The following AGBL4 variants were observed in gnomAD, a reference collection of about 807,000 sequenced individuals.
AGBL4 encodes cytosolic carboxypeptidase 6.
A neutral mutation model predicts 66.4 loss-of-function variants in AGBL4; 58 were observed. The ratio of observed to expected loss-of-function variants is 0.87; its 90% confidence interval spans 0.71 to 1.09. The LOEUF is 1.09. Among genes scored for constraint, AGBL4 ranks in the 50% least tolerant of loss-of-function variants. The probability of loss-of-function intolerance (pLI) is 0.00; values close to 1 mark genes in which losing one functional copy is unlikely to be tolerated. For synonymous variants in AGBL4, 234 were observed against 222.9 expected (o/e 1.05, Z -0.44); for missense variants, 579 against 631.0 (o/e 0.92, Z 0.88).
chr1:48,927,202 A>C (rs947721172), intron 5 of AGBL4, among the ~76,000 whole-genome samples: 1 of 152,156 alleles, frequency 6.6e-6, no homozygotes, highest in Non-Finnish European at 1.5e-5. Flanking sequence ...GAGACTGGAT[A>C]ATTTATAAGG....
intron 1 of AGBL4, among the ~76,000 whole-genome samples, chr1:49,890,830 T>G (rs1395910964): frequency 1.3e-5 from 2 of 152,316 alleles, no homozygotes; most frequent in African/African-American, 4.8e-5. Flanking sequence ...CCTAAATGAC[T>G]AGATGACTCT....
intron 5 of AGBL4, among the ~76,000 whole-genome samples, chr1:49,018,875 C>T (rs1257691259): frequency 3.9e-5 from 6 of 152,058 alleles, no homozygotes; most frequent in African/African-American, 1.4e-4. Context: ...ACCTTTAATC[C>T]ATCCTCCACA....
intron 6 of AGBL4, among the ~76,000 whole-genome samples, chr1:48,722,256 C>G (rs1156777710): frequency 6.6e-6 from 1 of 152,048 alleles, no homozygotes; most frequent in African/African-American, 2.4e-5. Context: ...TGAAATGGAA[C>G]AGGGACGAAT....
chr1:49,330,977 C>T (rs1248805555), intron 3 of AGBL4, among the ~76,000 whole-genome samples: 1 of 152,138 alleles, frequency 6.6e-6, no homozygotes, highest in Non-Finnish European at 1.5e-5. Context: ...CAAGGGAACC[C>T]CCACTCCCAG....
chr1:49,270,444 T>A (rs917552500), intron 3 of AGBL4, among the ~76,000 whole-genome samples: 4 of 147,816 alleles, frequency 2.7e-5, no homozygotes, highest in African/African-American at 7.6e-5. Context: ...AGGGGGATAT[T>A]TTTTTTTTTC....
intron 3 of AGBL4, among the ~76,000 whole-genome samples, chr1:49,684,820 T>C (rs1297995864): frequency 6.6e-6 from 1 of 152,194 alleles, no homozygotes; most frequent in Admixed American, 6.5e-5. Flanking sequence ...CTGGATCAAG[T>C]ACAGTGTTCT....
intron 6 of AGBL4, among the ~76,000 whole-genome samples, chr1:48,697,076 T>C (rs1470586595): frequency 2.6e-5 from 4 of 152,202 alleles, no homozygotes; most frequent in Non-Finnish European, 5.9e-5. Context: ...GACATGTTTC[T>C]ATATCTGGGT....
At chr1:48,745,674 T>A (rs911793168) in intron 6 of AGBL4, among the ~76,000 whole-genome samples, 1 of 152,192 alleles carries the variant, frequency 6.6e-6, no homozygotes, top group African/African-American at 2.4e-5. Context: ...CTGACTCAAA[T>A]GCCATCTCTC....
At chr1:48,606,863 T>G (rs1645161546) in intron 9 of AGBL4, among the ~76,000 whole-genome samples, 1 of 152,188 alleles carries the variant, frequency 6.6e-6, no homozygotes, top group Non-Finnish European at 1.5e-5. Context: ...CCCTGGAAAC[T>G]ATATGTGCAC....
At chr1:49,746,106 GTTTA>G (rs1299463584) in intron 2 of AGBL4, among the ~76,000 whole-genome samples, 2 of 151,870 alleles carry the variant, frequency 1.3e-5, no homozygotes, top group African/African-American at 4.8e-5. Context: ...TAGACACACA[GTTTA>G]TTCATCAGTA....
chr1:48,629,635 T>TG (rs1557839627), intron 9 of AGBL4, among the ~76,000 whole-genome samples: 2 of 151,716 alleles, frequency 1.3e-5, no homozygotes, highest in Admixed American at 1.3e-4. Context: ...CTAATTTCAG[T>TG]GGGGGGTAAA....
At position 48,659,717 on chromosome 1, in the gene AGBL4, C is replaced by T. The variant is rs536259513; in HGVS notation, c.724+3435G>A. Among the ~76,000 whole-genome samples the T allele has an allele frequency of 2.6e-5, 4 of 152,268 alleles. No homozygotes were observed. The South Asian group carries it at 8.3e-4, about 32-fold the overall frequency. ...GAGCTGGGGCCCACAGTCTGGGAGG[C>T]CCACACCTGGGTTTGGTTCACAGTA... On this transcript the variant is annotated intron_variant, in intron 7 of 13. Transcript: ENST00000371839.
intron 6 of AGBL4, among the ~76,000 whole-genome samples, chr1:48,682,191 T>C (rs1259970814): frequency 6.6e-6 from 1 of 152,212 alleles, no homozygotes. Flanking sequence ...CTCAGATTTC[T>C]GGTCTTCAGA....
At chr1:49,125,507 A>T (rs1645747496) in intron 4 of AGBL4, among the ~76,000 whole-genome samples, 1 of 152,172 alleles carries the variant, frequency 6.6e-6, no homozygotes, top group Non-Finnish European at 1.5e-5. Flanking sequence ...CATCAAATAG[A>T]TCAAGTGTAT....
intron 5 of AGBL4, among the ~76,000 whole-genome samples, chr1:48,950,954 C>G (rs1055815266): frequency 6.6e-6 from 1 of 152,092 alleles, no homozygotes; most frequent in Non-Finnish European, 1.5e-5. Context: ...TGTCCAACAG[C>G]CTTTTCTCAG....
chr1:49,387,025 A>C (rs1471418731), intron 3 of AGBL4, among the ~76,000 whole-genome samples: 1 of 151,974 alleles, frequency 6.6e-6, no homozygotes. Flanking sequence ...TATTAAATTA[A>C]ACTTTTTAAT....
At chr1:48,634,871 T>G (rs527337504) in intron 8 of AGBL4, among the ~76,000 whole-genome samples, 2 of 152,344 alleles carry the variant, frequency 1.3e-5, no homozygotes, top group Non-Finnish European at 2.9e-5. Flanking sequence ...TGTAGCCTCA[T>G]GTCAGCATCC....
At chr1:49,736,459 T>C (rs1649897322) in intron 2 of AGBL4, among the ~76,000 whole-genome samples, 1 of 152,024 alleles carries the variant, frequency 6.6e-6, no homozygotes, top group Non-Finnish European at 1.5e-5. Flanking sequence ...CAAAAATCCA[T>C]GGAAATTAAA....
Position 49,656,276 on chromosome 1 carries a change from G to A in AGBL4, c.282+41037C>T, listed in dbSNP as rs374143169. Among the ~76,000 whole-genome samples, 59 of 152,130 alleles carry A rather than the reference G, an allele frequency of 3.9e-4. 1 individual carries two copies. The South Asian group carries it at 9.5e-3, about 25-fold the overall frequency. On this transcript the variant is annotated intron_variant, in intron 3 of 13. Coordinates refer to ENST00000371839, the MANE Select transcript of AGBL4 (RefSeq NM_032785.4). The stretch of plus-strand genomic sequence containing the variant: ...TCTAGAAGAAATGGATAAATTCCTC[G>A]ACACATACACCCTCCCAAGACTAAA...
Sources: gnomAD v4.1 joint callset for allele counts (sites outside exome capture counted in the v4.1 genomes callset) on GRCh38, gnomAD v4.1.1 for gene constraint, MANE v1.5 for transcripts, NCBI Gene and HGNC (gene_info 2026-07-23, HGNC 2026-07-21) for gene names.